The following DNM3 variants were observed in gnomAD, a reference collection of about 807,000 sequenced individuals.
DNM3 encodes the protein dynamin-3.
A neutral mutation model predicts 101.6 loss-of-function variants in DNM3; 47 were observed. The ratio of observed to expected loss-of-function variants is 0.46; its 90% CI spans 0.37 to 0.59. The LOEUF (loss-of-function observed/expected upper bound fraction) is 0.59. Among genes scored for constraint, DNM3 ranks in the 20% least tolerant of loss-of-function variants. DNM3 has a pLI of 0.00. For synonymous variants in DNM3, 385 were observed against 387.9 expected (o/e 0.99, Z 0.09); for missense variants, 849 against 1,085.7 (o/e 0.78, Z 3.06).
At chr1:172,144,978 G>A (rs2057799525) in intron 14 of DNM3, among the ~76,000 whole-genome samples, 1 of 152,086 alleles carries the variant, frequency 6.6e-6, no homozygotes, top group Non-Finnish European at 1.5e-5. Flanking sequence ...AGATGTTTTA[G>A]TGTAACGTTA....
chr1:171,929,877 G>A (rs541345292), intron 2 of DNM3, among the ~76,000 whole-genome samples: 11 of 152,274 alleles, frequency 7.2e-5, no homozygotes, highest in Non-Finnish European at 1.0e-4. Context: ...GCTGAAGGAC[G>A]GCTTTTCCCC....
chr1:172,163,954 TATACACACACAC>T (rs1194646498), intron 14 of DNM3, among the ~76,000 whole-genome samples: 1 of 112,232 alleles, frequency 8.9e-6, no homozygotes, highest in South Asian at 2.7e-4. Flanking sequence ...CATACATATA[TATACACACACAC>T]ACACACACAC....
chr1:172,047,019 T>G (rs558206735), intron 9 of DNM3, among the ~76,000 whole-genome samples: 1 of 60,384 alleles, frequency 1.7e-5, no homozygotes, highest in East Asian at 2.0e-3. Flanking sequence ...GGTTATTATA[T>G]GCCTGTAAGA....
intron 4 of DNM3, among the ~76,000 whole-genome samples, chr1:172,010,035 CT>C (rs569026278): frequency 1.3e-4 from 19 of 151,766 alleles, no homozygotes; most frequent in African/African-American, 4.3e-4. Context: ...CAATCTCTGC[CT>C]TTTAATTGTA....
At chr1:172,032,631 T>C in intron 5 of DNM3, 131 bp downstream of exon 5, 1 of 510,092 alleles carries the variant, frequency 2.0e-6, no homozygotes, top group Non-Finnish European at 3.4e-6. Context: ...AAGGAATGGA[T>C]TTATTATTAG....
intron 4 of DNM3, among the ~76,000 whole-genome samples, chr1:172,014,818 C>A (rs1021050863): frequency 2.0e-5 from 3 of 151,680 alleles, no homozygotes; most frequent in Non-Finnish European, 4.4e-5. Context: ...TTGATTATTT[C>A]TTTCATGGAT....
At chr1:172,121,289 C>CT (rs2056303696) in intron 13 of DNM3, among the ~76,000 whole-genome samples, 1 of 152,172 alleles carries the variant, frequency 6.6e-6, no homozygotes, top group Non-Finnish European at 1.5e-5. Flanking sequence ...TGAGTAAACT[C>CT]TGAGAATAAA....
chr1:172,313,767 CATTTATTTATTT>C (rs58904855), intron 16 of DNM3, among the ~76,000 whole-genome samples: 2 of 151,202 alleles, frequency 1.3e-5, no homozygotes, highest in Admixed American at 6.6e-5. Context: ...TGTCTCATAG[CATTTATTTATTT>C]ATTTATTTAT....
intron 7 of DNM3, among the ~76,000 whole-genome samples, chr1:172,041,432 T>G: frequency 6.6e-6 from 1 of 152,080 alleles, no homozygotes; most frequent in Non-Finnish European, 1.5e-5. Context: ...TGTGTTGAGT[T>G]CAAGGCAGCT....
In DNM3 at chr1:171,873,102, T is replaced by G. The variant is rs376457984; in HGVS notation, c.161+31285T>G. Among the ~76,000 whole-genome samples, 19 of 152,316 alleles carry G rather than the reference T, an allele frequency of 1.2e-4. No homozygotes were observed. The East Asian group carries it at 1.7e-3, about 14-fold the overall frequency. ...GTAAGATATAAAGGTGTCTATTCTT[T>G]AAGAAGTCAAGTTGAATCATATAAG... On this transcript the variant is annotated intron_variant, in intron 1 of 20. Transcript: ENST00000627582.
At chr1:172,373,248 T>C (rs1331464268) in intron 17 of DNM3, among the ~76,000 whole-genome samples, 3 of 152,132 alleles carry the variant, frequency 2.0e-5, no homozygotes, top group African/African-American at 7.2e-5. Context: ...TTTAGTCTCC[T>C]GTCACCTTAT....
At chr1:171,870,670 C>T (rs1244356259) in intron 1 of DNM3, among the ~76,000 whole-genome samples, 1 of 152,028 alleles carries the variant, frequency 6.6e-6, no homozygotes, top group African/African-American at 2.4e-5. Flanking sequence ...TAGAGTAGTT[C>T]TTGAGCTCAA....
rs1016472539 is a variant in DNM3, at chr1:172,408,537, A to C, written c.*696A>C. The C allele has an allele frequency of 1.0e-6, 1 of 985,250 alleles. No homozygotes were observed. Among genetic ancestry groups the C allele is most frequent in the Non-Finnish European group, 1.2e-6 (1 of 829,902 alleles). The allele number at this position is 985,250 out of a possible 1,614,324, so 61.0% of individuals were successfully genotyped here. ...AAGCTTCTTTTTTTGTTAATCAGTC[A>C]ATAAATTTGGCTAATTAGTTTCAGA... On this transcript the variant is annotated 3_prime_UTR_variant, in exon 21 of 21. Transcript: ENST00000627582.
intron 2 of DNM3, among the ~76,000 whole-genome samples, chr1:171,978,197 A>G (rs1415235747): frequency 6.6e-6 from 1 of 152,190 alleles, no homozygotes; most frequent in Non-Finnish European, 1.5e-5. Flanking sequence ...AAGACAGACA[A>G]TAAAAAACAA....
Position 172,006,224 on chromosome 1 carries a change from T to G in DNM3, c.589+17076T>G, listed in dbSNP as rs551544172. ...CTGGCAGTGAGGGAGGTTTCTTGATTAAATCCTAATTGTGCTTTCTAGGAG... is the reference window on the plus strand; with the variant it reads ...CTGGCAGTGAGGGAGGTTTCTTGATGAAATCCTAATTGTGCTTTCTAGGAG... On this transcript the variant is annotated intron_variant, in intron 4 of 20. Transcript: ENST00000627582. Among the ~76,000 whole-genome samples the G allele has an allele frequency of 2.7e-3, 418 of 152,224 alleles. 3 individuals carry two copies. The highest frequency in any genetic ancestry group is 9.5e-3 in the African/African-American group (393 of 41,554).
chr1:171,912,003 A>G (rs907098019), intron 1 of DNM3, among the ~76,000 whole-genome samples: 7 of 152,108 alleles, frequency 4.6e-5, no homozygotes, highest in Non-Finnish European at 8.8e-5. Flanking sequence ...TGAGGATTTC[A>G]TGTGGTCCAG....
At chr1:172,203,668 T>C in intron 14 of DNM3, among the ~76,000 whole-genome samples, 1 of 151,860 alleles carries the variant, frequency 6.6e-6, no homozygotes, top group East Asian at 1.9e-4. Context: ...TAATAGGGTG[T>C]GTGTATTTAT....
chr1:172,125,174 A>G (rs1005424147), intron 13 of DNM3, among the ~76,000 whole-genome samples: 18 of 152,138 alleles, frequency 1.2e-4, no homozygotes, highest in Admixed American at 2.6e-4. Flanking sequence ...AGATCAAACT[A>G]TCTAACGGTG....
In DNM3 at chr1:171,950,525, C is replaced by A. The variant is rs929888679; in HGVS notation, c.235+28704C>A. 1.4e-4 allele frequency among the ~76,000 whole-genome samples: 21 copies of A among 152,102 alleles called. 1 individual carries two copies. Among genetic ancestry groups the A allele is most frequent in the Non-Finnish European group, 1.0e-4 (7 of 68,016 alleles). ...TGGTAGGTTCAGCATATTAAACGCA[C>A]TTTTGACTTAAAATATTTTCAACTT... is the stretch of plus-strand genomic sequence containing the variant. On this transcript the variant is annotated intron_variant, in intron 2 of 20. Coordinates refer to ENST00000627582, the MANE Select transcript of DNM3 (RefSeq NM_015569.5).
Sources: gnomAD v4.1 joint callset for allele counts (sites outside exome capture counted in the v4.1 genomes callset) on GRCh38, gnomAD v4.1.1 for gene constraint, MANE v1.5 for transcripts, NCBI Gene and HGNC (gene_info 2026-07-23, HGNC 2026-07-21) for gene names.